Variants in ZNF600 observed in about 807,000 individuals in gnomAD.
The protein encoded by ZNF600 is zinc finger protein 600.
Under a neutral mutation model 7.3 loss-of-function variants are expected in ZNF600, and 4 were observed. That is an observed-to-expected ratio of 0.55 (90% confidence interval 0.27 to 1.25). The LOEUF (loss-of-function observed/expected upper bound fraction) is 1.25. Among genes scored for constraint, ZNF600 ranks in the 50% most tolerant of loss-of-function variants. The pLI, the probability that ZNF600 is intolerant of heterozygous loss-of-function variation, is 0.12. For synonymous variants in ZNF600, 290 were observed against 308.9 expected (o/e 0.94, Z 0.64); for missense variants, 911 against 922.1 (o/e 0.99, Z 0.16).
chr19:52,772,885 G>A (rs770968304), intron 3 of ZNF600, among the ~76,000 whole-genome samples: 3 of 152,134 alleles, frequency 2.0e-5, no homozygotes, highest in Non-Finnish European at 4.4e-5. Flanking sequence ...GGACACAAGC[G>A]CTGAGCTGCG....
the ZNF600 span, among the ~76,000 whole-genome samples, chr19:52,808,589 G>C: frequency 6.6e-6 from 1 of 150,994 alleles, no homozygotes; most frequent in African/African-American, 2.4e-5. Context: ...ATCCCAGACA[G>C]TGTCACTGCA....
At chr19:52,778,894 T>C (rs1465718280) in exon 2 of ZNF600, 2 of 1,601,358 alleles carry the variant, frequency 1.2e-6, no homozygotes, top group East Asian at 4.5e-5. Context: ...AACATGAGTC[T>C]TTAGGAATCA....
intron 2 of ZNF600, among the ~76,000 whole-genome samples, chr19:52,778,608 C>T (rs879027106): frequency 6.6e-6 from 1 of 152,162 alleles, no homozygotes; most frequent in South Asian, 2.1e-4. Flanking sequence ...GAGCCCTTCC[C>T]AGGACCATGC....
chr19:52,767,293 C>G (rs368067969), exon 4 of ZNF600: 10 of 1,614,046 alleles, frequency 6.2e-6, no homozygotes, highest in Non-Finnish European at 6.8e-6. Flanking sequence ...CTCATGTATA[C>G]TTCCTGTTTT....
At chr19:52,804,027 T>C in the ZNF600 span, among the ~76,000 whole-genome samples, 1 of 152,218 alleles carries the variant, frequency 6.6e-6, no homozygotes, top group Non-Finnish European at 1.5e-5. Context: ...TCTAATAGGA[T>C]GTTCCTGCAG....
At chr19:52,804,601 C>A in the ZNF600 span, among the ~76,000 whole-genome samples, 70 of 152,236 alleles carry the variant, frequency 4.6e-4, no homozygotes, top group African/African-American at 1.6e-3. Flanking sequence ...AAACTCGTGA[C>A]CTCAAGTGAT....
chr19:52,815,068 T>C, the ZNF600 span, among the ~76,000 whole-genome samples: 7 of 133,270 alleles, frequency 5.3e-5, 2 homozygotes, highest in East Asian at 8.1e-4. Flanking sequence ...TGTATATGTA[T>C]AGATATGTGT....
chr19:52,816,930 A>G, the ZNF600 span, among the ~76,000 whole-genome samples: 3 of 151,714 alleles, frequency 2.0e-5, no homozygotes, highest in Admixed American at 6.6e-5. Flanking sequence ...ACTCTCCAAT[A>G]TTAGAGAAAA....
upstream of ZNF600, among the ~76,000 whole-genome samples, chr19:52,787,532 G>C (rs954597067): frequency 1.5e-4 from 22 of 146,876 alleles, no homozygotes; most frequent in Non-Finnish European, 2.4e-4. Flanking sequence ...TCAGCCTTTC[G>C]AGTAACTGGA....
the ZNF600 span, among the ~76,000 whole-genome samples, chr19:52,818,953 T>C: frequency 1.1e-4 from 15 of 138,144 alleles, 1 homozygote; most frequent in South Asian, 2.6e-4. Context: ...TTGAGTAATG[T>C]GATAGACACT....
At chr19:52,801,738 G>A in the ZNF600 span, 1 of 1,569,380 alleles carries the variant, frequency 6.4e-7, no homozygotes, top group Non-Finnish European at 8.7e-7. Flanking sequence ...TTCCAATGAA[G>A]TACAGATGGT....
chr19:52,811,180 T>C, the ZNF600 span, among the ~76,000 whole-genome samples: 7,043 of 150,400 alleles, frequency 0.047, 291 homozygotes, highest in African/African-American at 0.1. Context: ...AGATGGAGTC[T>C]CGTTCACTCA....
At chr19:52,818,155 C>A in the ZNF600 span, 205 of 1,047,002 alleles carry the variant, frequency 2.0e-4, no homozygotes, top group African/African-American at 2.6e-3. Context: ...CCTACCGCAC[C>A]ACGAACAAAA....
rs536551250 is a variant in ZNF600 at position 52,775,179 on chromosome 19, A to G, written c.64-478T>C. 2.7e-4 allele frequency among the ~76,000 whole-genome samples: 41 copies of G among 152,180 alleles called. No individual in the cohort carries two copies. In the South Asian group the frequency reaches 3.5e-3, roughly 13 times the overall value. ...CACTTGAACCCAGGAGATGGAGGCT[A>G]CAGTGAGCCAAGATCGCACCACTGC... On this transcript the variant is annotated intron_variant, in intron 2 of 3. Coordinates refer to ENST00000648973, the Ensembl canonical transcript of ZNF600.
intron 3 of ZNF600, among the ~76,000 whole-genome samples, chr19:52,772,766 A>G (rs1411037371): frequency 1.3e-5 from 2 of 152,194 alleles, no homozygotes; most frequent in Non-Finnish European, 2.9e-5. Context: ...ATCCCATGAC[A>G]TGTTCTTAGG....
chr19:52,823,188 A>C, the ZNF600 span, among the ~76,000 whole-genome samples: 7 of 152,068 alleles, frequency 4.6e-5, no homozygotes, highest in Non-Finnish European at 8.8e-5. Flanking sequence ...AGGAAACTAA[A>C]TTTTATTGCA....
the ZNF600 span, among the ~76,000 whole-genome samples, chr19:52,812,135 G>T: frequency 2.4e-5 from 3 of 123,888 alleles, no homozygotes; most frequent in African/African-American, 1.2e-4. Flanking sequence ...CCGTCCGGGA[G>T]GGTGGTGGGG....
intron 1 of ZNF600, chr19:52,780,800 T>G (rs1007622445): frequency 1.3e-5 from 2 of 152,228 alleles, no homozygotes; most frequent in African/African-American, 2.4e-5. Flanking sequence ...ACATCTAAGT[T>G]TCTCTTTATA....
intron 2 of ZNF600, among the ~76,000 whole-genome samples, chr19:52,776,614 C>T (rs1007525379): frequency 2.0e-5 from 3 of 151,972 alleles, no homozygotes; most frequent in African/African-American, 2.4e-5. Flanking sequence ...GTTTCACCAT[C>T]TTAGCCAGGC....
Sources: gnomAD v4.1 joint callset for allele counts (sites outside exome capture counted in the v4.1 genomes callset) on GRCh38, gnomAD v4.1.1 for gene constraint, MANE v1.5 for transcripts, NCBI Gene and HGNC (gene_info 2026-07-23, HGNC 2026-07-21) for gene names.